The following ZNF639 variants were observed in gnomAD, a reference collection of about 807,000 sequenced individuals.
The protein encoded by ZNF639 is zinc finger protein 639, also known as zinc finger amplified in esophageal squamous cell carcinomas 1.
ZNF639 carries 20 observed loss-of-function variants against 39.8 expected under a neutral mutation model. The observed-to-expected ratio is 0.50, with a 90% CI of 0.35 to 0.73. ZNF639 has a LOEUF of 0.73. Among genes scored for constraint, ZNF639 ranks in the 30% least tolerant of loss-of-function variants. ZNF639 has a pLI of 0.00. For missense variants in ZNF639, 477 were observed against 566.2 expected (o/e 0.84, Z 1.60); for synonymous variants, 176 against 189.8 (o/e 0.93, Z 0.60).
At chr3:179,323,820 TGA>T (rs1446573704) in intron 1 of ZNF639, 2 of 151,776 alleles carry the variant, frequency 1.3e-5, no homozygotes, top group Admixed American at 6.5e-5. Flanking sequence ...GCCTCCAGCC[TGA>T]GAGTCGCCTC....
At position 179,337,310 on chromosome 3, in the gene ZNF639, A is replaced by G. The variant is rs1188965069; in HGVS notation, c.*2888A>G. On this transcript the variant is annotated 3_prime_UTR_variant, in exon 6 of 6. Coordinates refer to ENST00000496856, the MANE Select transcript of ZNF639 (RefSeq NM_001303426.2). The stretch of plus-strand genomic sequence containing the variant: ...ATTGCAATGCAGCTACTCAAGAGAC[A>G]TATATCCAAGTTTCAGAACCATATA... 3 of 151,422 alleles carry G rather than the reference A, an allele frequency of 2.0e-5. No homozygotes were observed. The highest frequency in any genetic ancestry group is 2.9e-5 in the Non-Finnish European group (2 of 67,926). The allele number at this position is 151,422 out of a possible 1,614,324, so 9.4% of individuals were successfully genotyped here.
intron 4 of ZNF639, among the ~76,000 whole-genome samples, chr3:179,332,348 T>A (rs1727964303): frequency 6.6e-6 from 1 of 152,086 alleles, no homozygotes; most frequent in Non-Finnish European, 1.5e-5. Context: ...ATGGGCTGAG[T>A]GTGGTGGCTC....
Position 179,336,649 on chromosome 3 carries a change from A to T in ZNF639, c.*2227A>T, listed in dbSNP as rs149901750. On this transcript the variant is annotated 3_prime_UTR_variant, in exon 6 of 6. Transcript: ENST00000496856. The stretch of plus-strand genomic sequence containing the variant: ...TTTTCTAAGTTCCTTGCAGAAATAG[A>T]AATGTAGATAGCTATGAGGCCAAGT... The T allele has an allele frequency of 6.1e-4, 93 of 152,338 alleles. 1 individual carries two copies. The highest frequency in any genetic ancestry group is 1.9e-3 in the African/African-American group (81 of 41,574). The allele number at this position is 152,338 out of a possible 1,614,324, so 9.4% of individuals were successfully genotyped here. A position where few individuals can be genotyped will look rare whatever the true frequency, so the allele number is the denominator to read the frequency against.
intron 1 of ZNF639, among the ~76,000 whole-genome samples, chr3:179,324,178 G>T (rs1387730692): frequency 6.6e-6 from 1 of 152,090 alleles, no homozygotes; most frequent in Non-Finnish European, 1.5e-5. Flanking sequence ...CTGTAAAGAC[G>T]TCTTACAGCA....
rs1253530976 is a variant in ZNF639, at chr3:179,335,585, C to T, written c.*1163C>T. On this transcript the variant is annotated 3_prime_UTR_variant, in exon 6 of 6. Transcript: ENST00000496856. Reference sequence around the variant, plus strand: ...AACAAATTACTACAAACTGAGTTGCCTACCTAGCAGAAATTTATGGTCTCA... The same window carrying T: ...AACAAATTACTACAAACTGAGTTGCTTACCTAGCAGAAATTTATGGTCTCA... 2 of 152,104 alleles carry T rather than the reference C, an allele frequency of 1.3e-5. No individual in the cohort carries two copies. The highest frequency in any genetic ancestry group is 2.9e-5 in the Non-Finnish European group (2 of 68,020). 9.4% of individuals were successfully genotyped at this position (152,104 alleles called of 1,614,324 possible). A position where few individuals can be genotyped will look rare whatever the true frequency, so the allele number is the denominator to read the frequency against.
rs181074924 is a variant in ZNF639, at chr3:179,331,506, C to T, written c.170-1483C>T. 8.5e-5 allele frequency among the ~76,000 whole-genome samples: 13 copies of T among 152,204 alleles called. 2 individuals carry two copies. The highest frequency in any genetic ancestry group is 2.1e-4 in the South Asian group (1 of 4,814). On this transcript the variant is annotated intron_variant, in intron 4 of 5. Transcript: ENST00000496856. ...TAAAAGCACAACTTTAGGCCAGGTGCGGTGGCTCACGCCTGTAATCCCAGC... is the reference window on the plus strand; with the variant it reads ...TAAAAGCACAACTTTAGGCCAGGTGTGGTGGCTCACGCCTGTAATCCCAGC...
chr3:179,324,376 G>A (rs1016051730), intron 1 of ZNF639, among the ~76,000 whole-genome samples: 11 of 152,084 alleles, frequency 7.2e-5, no homozygotes, highest in Admixed American at 4.6e-4. Flanking sequence ...TGATTTTTCT[G>A]CAGTGACACG....
chr3:179,333,221 A>G, intron 5 of ZNF639, 48 bp from the exon 6 acceptor site: 1 of 1,560,212 alleles, frequency 6.4e-7, no homozygotes, highest in Non-Finnish European at 8.6e-7. Context: ...TGTATTTAAC[A>G]GATCTTATTT....
rs1049542867 is a variant in ZNF639 at position 179,338,446 on chromosome 3, C to T, written c.*4024C>T. 1 of 152,080 alleles carries T rather than the reference C, an allele frequency of 6.6e-6. No homozygotes were observed. Among genetic ancestry groups the T allele is most frequent in the Non-Finnish European group, 1.5e-5 (1 of 68,026 alleles). The allele number at this position is 152,080 out of a possible 1,614,324, so 9.4% of individuals were successfully genotyped here. A position where few individuals can be genotyped will look rare whatever the true frequency, so the allele number is the denominator to read the frequency against. On this transcript the variant is annotated 3_prime_UTR_variant, in exon 6 of 6. Transcript: ENST00000496856. ...TGCCAATTTTGCCATTTTAAATCACCTTTCTTACGTTTCTCTGAATTGTAT... is the reference window on the plus strand; with the variant it reads ...TGCCAATTTTGCCATTTTAAATCACTTTTCTTACGTTTCTCTGAATTGTAT...
Position 179,333,666 on chromosome 3 carries a change from G to C in ZNF639, c.702G>C (p.Val234=), listed in dbSNP as rs1274098706. 1 of 1,614,152 alleles carries C rather than the reference G, an allele frequency of 6.2e-7. No individual in the cohort carries two copies. The change falls in exon 6 of 6, where the codon GTG becomes GTC. Residue 234 remains valine (V), a synonymous_variant. Transcript: ENST00000496856. ...AGCATAAACGTACTGATTCAAATGT[G>C]TGTCGAGTATGCAAGGAAAGTTTCT... ...ILKHKRTDSN[V]CRVCKESFST...
chr3:179,326,043 A>G (rs1443270506), intron 1 of ZNF639, among the ~76,000 whole-genome samples: 1 of 148,388 alleles, frequency 6.7e-6, no homozygotes, highest in Admixed American at 6.7e-5. Context: ...TGTTAAGAGC[A>G]TTATAGGCCG....
At chr3:179,330,893 T>C (rs1344781729) in intron 4 of ZNF639, among the ~76,000 whole-genome samples, 5 of 152,184 alleles carry the variant, frequency 3.3e-5, no homozygotes, top group Admixed American at 2.0e-4. Context: ...ACAGAATGCT[T>C]GTAGATATGT....
At chr3:179,324,058 C>T (rs191087507) in intron 1 of ZNF639, among the ~76,000 whole-genome samples, 1 of 151,468 alleles carries the variant, frequency 6.6e-6, no homozygotes, top group East Asian at 1.9e-4. Context: ...GGCTCTCCTG[C>T]AACATGTTTT....
chr3:179,326,105 C>T (rs1165429066), intron 1 of ZNF639, among the ~76,000 whole-genome samples: 2 of 151,942 alleles, frequency 1.3e-5, no homozygotes, highest in Non-Finnish European at 2.9e-5. Flanking sequence ...CTGAGGTGGG[C>T]GGATCACTTG....
At chr3:179,327,294 TTAAC>T (rs1727649259) in intron 1 of ZNF639, among the ~76,000 whole-genome samples, 2 of 152,338 alleles carry the variant, frequency 1.3e-5, no homozygotes, top group East Asian at 3.9e-4. Flanking sequence ...GTCAAAAGAT[TTAAC>T]TATAGGTCAG....
rs1388867469 is a variant in ZNF639 at position 179,337,229 on chromosome 3, C to T, written c.*2807C>T. On this transcript the variant is annotated 3_prime_UTR_variant, in exon 6 of 6. Transcript: ENST00000496856. The stretch of plus-strand genomic sequence containing the variant: ...TGAGCCGAGATCGCGCCACCACATT[C>T]CAGCCTGGGTGACAGAGTGAGACTG... The T allele has an allele frequency of 6.6e-6, 1 of 151,086 alleles. No individual in the cohort carries two copies. The highest frequency in any genetic ancestry group is 1.5e-5 in the Non-Finnish European group (1 of 67,888). The allele number at this position is 151,086 out of a possible 1,614,324, so 9.4% of individuals were successfully genotyped here. A position where few individuals can be genotyped will look rare whatever the true frequency, so the allele number is the denominator to read the frequency against.
At position 179,336,249 on chromosome 3, in the gene ZNF639, T is replaced by C. The variant is rs1711521562; in HGVS notation, c.*1827T>C. 2.0e-5 allele frequency: 3 copies of C among 152,200 alleles called. No homozygotes were observed. The South Asian group carries it at 6.2e-4, about 31-fold the overall frequency. The allele number at this position is 152,200 out of a possible 1,614,324, so 9.4% of individuals were successfully genotyped here. On this transcript the variant is annotated 3_prime_UTR_variant, in exon 6 of 6. Coordinates refer to ENST00000496856, the MANE Select transcript of ZNF639 (RefSeq NM_001303426.2). ...ATATGAATTTGGGAGGGAACACAATTGAGTAGCAGAGTCTGAAACAGCACT... is the reference window on the plus strand; with the variant it reads ...ATATGAATTTGGGAGGGAACACAATCGAGTAGCAGAGTCTGAAACAGCACT...
In ZNF639 at chr3:179,338,207, C is replaced by G. The variant is rs138828134; in HGVS notation, c.*3785C>G. 3 of 152,198 alleles carry G rather than the reference C, an allele frequency of 2.0e-5. No homozygotes were observed. The highest frequency in any genetic ancestry group is 2.0e-4 in the Admixed American group (3 of 15,270). The allele number at this position is 152,198 out of a possible 1,614,324, so 9.4% of individuals were successfully genotyped here. On this transcript the variant is annotated 3_prime_UTR_variant, in exon 6 of 6. Coordinates refer to ENST00000496856, the MANE Select transcript of ZNF639 (RefSeq NM_001303426.2). ...TATACTTGTGACTTGCACCACAATTCAAGTCTGAGATTACCTAACTGATGA... is the reference window on the plus strand; with the variant it reads ...TATACTTGTGACTTGCACCACAATTGAAGTCTGAGATTACCTAACTGATGA...
chr3:179,326,305 G>A (rs1174257067), intron 1 of ZNF639, among the ~76,000 whole-genome samples: 2 of 152,144 alleles, frequency 1.3e-5, no homozygotes, highest in Non-Finnish European at 2.9e-5. Flanking sequence ...AGGTTGCAAT[G>A]AGCCAAGATC....
Sources: gnomAD v4.1 joint callset for allele counts (sites outside exome capture counted in the v4.1 genomes callset) on GRCh38, gnomAD v4.1.1 for gene constraint, MANE v1.5 for transcripts, NCBI Gene and HGNC (gene_info 2026-07-23, HGNC 2026-07-21) for gene names.